The following SH3TC2 variants were observed in gnomAD, a reference collection of about 807,000 sequenced individuals.
SH3TC2 encodes SH3 domain and tetratricopeptide repeat-containing protein 2.
SH3TC2 carries 87 observed loss-of-function variants against 124.5 expected under a neutral mutation model. The observed-to-expected ratio is 0.70, with a 90% CI of 0.59 to 0.84. SH3TC2 has a LOEUF of 0.84. Ranked by LOEUF, SH3TC2 falls within the 40% of genes least tolerant of loss-of-function variation. SH3TC2 has a pLI of 0.00. For synonymous variants in SH3TC2, 634 were observed against 628.5 expected (o/e 1.01, Z -0.13); for missense variants, 1,536 against 1,566.4 (o/e 0.98, Z 0.33).
In SH3TC2 at chr5:148,984,962, A is replaced by G. The variant is rs1753310444; in HGVS notation, c.*19749T>C. On this transcript the variant is annotated 3_prime_UTR_variant, in exon 17 of 17. Transcript: ENST00000515425. ...AGTGTATAAAACAGGACAGGAAGTGAATCCTAGGGATGGAAGCAATGGAAG... is the reference window on the plus strand; with the variant it reads ...AGTGTATAAAACAGGACAGGAAGTGGATCCTAGGGATGGAAGCAATGGAAG... Among the ~76,000 whole-genome samples, 1 of 152,202 alleles carries G rather than the reference A, an allele frequency of 6.6e-6. No individual in the cohort carries two copies. Among genetic ancestry groups the G allele is most frequent in the East Asian group, 1.9e-4 (1 of 5,192 alleles).
intron 2 of SH3TC2, among the ~76,000 whole-genome samples, chr5:149,051,119 A>G (rs1319683011): frequency 6.6e-6 from 1 of 152,208 alleles, no homozygotes; most frequent in Non-Finnish European, 1.5e-5. Flanking sequence ...GTTTGTCCTC[A>G]GAGTTTCTGT....
chr5:149,028,037 T>C lies in SH3TC2; in HGVS notation c.1695A>G (p.Leu565=), dbSNP rs1217333506. ...TGATGTACAGAGTGGCCACCAAGGA[T>C]AGGTCCTCAAATGCTCCATTGAGAA... ...IHILNGAFED[L]SLVATLYINL... is the part of the protein sequence containing the mutation. The change falls in exon 11 of 17, where the codon CTA becomes CTG. Residue 565 remains leucine, a synonymous_variant. Transcript: ENST00000515425. 1 of 1,614,080 alleles carries C rather than the reference T, an allele frequency of 6.2e-7. No homozygotes were observed. Among genetic ancestry groups the C allele is most frequent in the Admixed American group, 1.7e-5 (1 of 60,024 alleles).
At chr5:149,012,808 CAG>C in intron 12 of SH3TC2, 74 bp from the exon 13 acceptor site, 2 of 1,555,660 alleles carry the variant, frequency 1.3e-6, no homozygotes, top group Non-Finnish European at 1.8e-6. Context: ...CAGGATGAAA[CAG>C]AAGCTCTGAG....
intron 12 of SH3TC2, among the ~76,000 whole-genome samples, chr5:149,019,715 G>A (rs1033506887): frequency 6.6e-6 from 1 of 152,170 alleles, no homozygotes; most frequent in Admixed American, 6.5e-5. Context: ...GTTTATTTAG[G>A]AAAACGGCGG....
intron 6 of SH3TC2, 143 bp from the exon 7 acceptor site, chr5:149,040,820 T>A: frequency 1.3e-6 from 1 of 778,308 alleles, no homozygotes; most frequent in Non-Finnish European, 2.2e-6. Flanking sequence ...ATTGAGAACT[T>A]ACTTTCTACC....
chr5:149,051,054 A>G (rs1006858531), intron 2 of SH3TC2, among the ~76,000 whole-genome samples: 1 of 152,184 alleles, frequency 6.6e-6, no homozygotes, highest in Non-Finnish European at 1.5e-5. Context: ...TGGCACACAA[A>G]TTGCCCTCTA....
Position 148,999,852 on chromosome 5 carries a change from G to A in SH3TC2, c.*4859C>T, listed in dbSNP as rs1343989439. ...TCTATACCTTCCCCTCAACCTCCAG[G>A]TAGAATCCAAACCCTCTTTGCTTCC... is the stretch of plus-strand genomic sequence containing the variant. On this transcript the variant is annotated 3_prime_UTR_variant, in exon 17 of 17. Coordinates refer to ENST00000515425, the MANE Select transcript of SH3TC2 (RefSeq NM_024577.4). Among the ~76,000 whole-genome samples the A allele has an allele frequency of 6.6e-6, 1 of 151,748 alleles. No homozygotes were observed. Among genetic ancestry groups the A allele is most frequent in the Non-Finnish European group, 1.5e-5 (1 of 67,848 alleles).
chr5:148,986,963 G>C lies in SH3TC2; in HGVS notation c.*17748C>G, dbSNP rs1038973042. On this transcript the variant is annotated 3_prime_UTR_variant, in exon 17 of 17. Transcript: ENST00000515425. Reference sequence around the variant, plus strand: ...AGAGGCAGAGTTTTCAAAGACTCCAGTTCAATGCCAGGGAGCTATTGTTTC... The same window carrying C: ...AGAGGCAGAGTTTTCAAAGACTCCACTTCAATGCCAGGGAGCTATTGTTTC... Among the ~76,000 whole-genome samples the C allele has an allele frequency of 1.3e-5, 2 of 152,208 alleles. No homozygotes were observed. Among genetic ancestry groups the C allele is most frequent in the Non-Finnish European group, 2.9e-5 (2 of 68,030 alleles).
chr5:149,028,635 T>C (rs1580901736), intron 10 of SH3TC2, 42 bp downstream of exon 10: 2 of 1,614,156 alleles, frequency 1.2e-6, no homozygotes, highest in East Asian at 4.5e-5. Context: ...AGAAGTGCTG[T>C]CCTCAAGGAT....
chr5:149,004,795 G>C lies in SH3TC2; in HGVS notation c.3783C>G (p.Cys1261Trp). The change falls in exon 17 of 17, where the codon TGC (cysteine) becomes TGG (tryptophan). Residue 1261 changes from cysteine (C) to tryptophan (W), a missense_variant. Physicochemically the swap from Cys to Trp is radical, Grantham distance 215. This residue lies in a region of SH3TC2 where 426 missense variants were observed against 443.5 expected (regional missense o/e 0.96). Transcript: ENST00000515425. ...DTIRSRLDNI[C>W]QSPLWHSRPS... ...GCCTGCTGTGCCACAGGGGGCTCTG[G>C]CAGATGTTGTCCAGCCTGCTCCTAA... is the stretch of plus-strand genomic sequence containing the variant. 2 of 1,614,094 alleles carry C rather than the reference G, an allele frequency of 1.2e-6. No individual in the cohort carries two copies. Among genetic ancestry groups the C allele is most frequent in the Non-Finnish European group, 8.5e-7 (1 of 1,180,016 alleles).
rs559569094 is a variant in SH3TC2 at position 149,004,992 on chromosome 5, T to TG, written c.3676-91_3676-90insC. On this transcript the variant is annotated intron_variant, in intron 16 of 16. Transcript: ENST00000515425. Reference sequence around the variant, plus strand: ...AGGCTGTGCTGGCCACTCTAGTTTTTTTTGTTTGTTTGTTTGTTTGTTTGT... The same window carrying TG: ...AGGCTGTGCTGGCCACTCTAGTTTTTGTTTGTTTGTTTGTTTGTTTGTTTGT... 1.8e-5 allele frequency: 25 copies of TG among 1,407,298 alleles called. No individual in the cohort carries two copies. The African/African-American group carries it at 3.5e-4, about 20-fold the overall frequency. 87.2% of individuals were successfully genotyped at this position (1,407,298 alleles called of 1,614,324 possible).
At position 149,004,907 on chromosome 5, in the gene SH3TC2, C is replaced by A. The variant is rs1753660341; in HGVS notation, c.3676-5G>T. On this transcript the variant is annotated splice_region_variant and splice_polypyrimidine_tract_variant and intron_variant, in intron 16 of 16. Transcript: ENST00000515425. ...CTCAGTGGCATCATGGGCATCCTAA[C>A]CCCGTGGTATGGGGGCAAAGAAGAG... The A allele has an allele frequency of 1.9e-6, 3 of 1,614,048 alleles. No individual in the cohort carries two copies. The highest frequency in any genetic ancestry group is 2.7e-5 in the African/African-American group (2 of 74,922).
chr5:149,038,324 C>T lies in SH3TC2; in HGVS notation c.972G>A (p.Arg324=). Residue 324 remains arginine, a synonymous_variant, in exon 8 of 17, where the codon AGG becomes AGA. Coordinates refer to ENST00000515425, the MANE Select transcript of SH3TC2 (RefSeq NM_024577.4). ...SSGQVGFVPT[R]NIDPDSYSPM... ...GGGAATAAGAATCAGGATCTATGTT[C>T]CTGGTGGGGACAAAGCCCACTTGTC... 6.2e-7 allele frequency: 1 copy of T among 1,614,174 alleles called. No homozygotes were observed. The highest frequency in any genetic ancestry group is 8.5e-7 in the Non-Finnish European group (1 of 1,180,004).
At chr5:149,008,817 T>C (rs1188741451) in intron 15 of SH3TC2, 34 bp downstream of exon 15, 8 of 1,613,262 alleles carry the variant, frequency 5.0e-6, no homozygotes, top group Non-Finnish European at 6.8e-6. Context: ...ATCACCCCTC[T>C]CATTCAACAC....
chr5:149,026,451 C>T, intron 12 of SH3TC2, 121 bp downstream of exon 12: 1 of 1,226,052 alleles, frequency 8.2e-7, no homozygotes. Context: ...AGAGCCCTTG[C>T]TCTTTTGCAC....
chr5:149,057,620 T>C (rs919125666), intron 1 of SH3TC2: 3 of 152,124 alleles, frequency 2.0e-5, no homozygotes, highest in Non-Finnish European at 4.4e-5. Flanking sequence ...ATCTTCTCTG[T>C]ATCCTTCCGA....
intron 10 of SH3TC2, 37 bp downstream of exon 10, chr5:149,028,637 CTCA>C (rs1363588726): frequency 6.2e-7 from 1 of 1,614,204 alleles, no homozygotes; most frequent in Non-Finnish European, 8.5e-7. Flanking sequence ...AAGTGCTGTC[CTCA>C]AGGATGAATG....
intron 15 of SH3TC2, chr5:149,007,707 G>A (rs1057243268): frequency 6.2e-6 from 1 of 161,974 alleles, no homozygotes; most frequent in African/African-American, 2.4e-5. Context: ...GTTGTTTGGT[G>A]GATTTGTTTT....
At position 148,983,568 on chromosome 5, in the gene SH3TC2, T is replaced by C. The variant is rs1753285586; in HGVS notation, c.*21143A>G. On this transcript the variant is annotated 3_prime_UTR_variant, in exon 17 of 17. Coordinates refer to ENST00000515425, the MANE Select transcript of SH3TC2 (RefSeq NM_024577.4). ...ATGTGGGAGCTGAATTGCATACTGA[T>C]TTCATCTTGCTGAAGTGCACATTCC... Among the ~76,000 whole-genome samples the C allele has an allele frequency of 6.6e-6, 1 of 152,174 alleles. No individual in the cohort carries two copies. Among genetic ancestry groups the C allele is most frequent in the African/African-American group, 2.4e-5 (1 of 41,442 alleles).
Sources: gnomAD v4.1 joint callset for allele counts (sites outside exome capture counted in the v4.1 genomes callset) on GRCh38, gnomAD v4.1.1 for gene constraint, gnomAD v4.1.1 regional missense constraint, MANE v1.5 for transcripts, NCBI Gene and HGNC (gene_info 2026-07-23, HGNC 2026-07-21) for gene names.